The following UCK2 variants were observed in gnomAD, a reference collection of about 807,000 sequenced individuals.
UCK2 encodes uridine-cytidine kinase 2, also known as cytidine monophosphokinase 2.
Under a neutral mutation model 30.8 loss-of-function variants are expected in UCK2, and 6 were observed. The observed-to-expected ratio is 0.19, with a 90% confidence interval of 0.11 to 0.38. The LOEUF (loss-of-function observed/expected upper bound fraction) is 0.38, where lower values mean the gene tolerates loss of function less well. Ranked by LOEUF, UCK2 falls within the 10% of genes least tolerant of loss-of-function variation. The probability of loss-of-function intolerance (pLI) is 1.00; values close to 1 mark genes in which losing one functional copy is unlikely to be tolerated. For synonymous variants in UCK2, 125 were observed against 133.6 expected (o/e 0.94, Z 0.45); for missense variants, 210 against 339.8 (o/e 0.62, Z 3.00).
At position 165,908,344 on chromosome 1, in the gene UCK2, G is replaced by C. The variant is rs1647744346; in HGVS notation, c.*521G>C. 6.6e-6 allele frequency: 1 copy of C among 152,032 alleles called. No homozygotes were observed. The highest frequency in any genetic ancestry group is 1.5e-5 in the Non-Finnish European group (1 of 68,076). 9.4% of individuals were successfully genotyped at this position (152,032 alleles called of 1,614,324 possible). ...GATGGGAATGGGGTTGGAAAACCTT[G>C]ATTGCCTCCTCTGTCACATGCCACT... is the stretch of plus-strand genomic sequence containing the variant. On this transcript the variant is annotated 3_prime_UTR_variant, in exon 7 of 7. Coordinates refer to ENST00000367879, the MANE Select transcript of UCK2 (RefSeq NM_012474.5).
chr1:165,882,956 C>A (rs1447579970), intron 1 of UCK2, among the ~76,000 whole-genome samples: 1 of 152,162 alleles, frequency 6.6e-6, no homozygotes, highest in Non-Finnish European at 1.5e-5. Context: ...TCCCAAGTAG[C>A]TGGGACTACA....
At chr1:165,877,185 A>G (rs1331543993) in intron 1 of UCK2, among the ~76,000 whole-genome samples, 1 of 152,222 alleles carries the variant, frequency 6.6e-6, no homozygotes, top group Non-Finnish European at 1.5e-5. Context: ...AGGAAAAATT[A>G]AGAATTTTGA....
intron 3 of UCK2, chr1:165,895,653 C>T: frequency 1.0e-6 from 1 of 985,822 alleles, no homozygotes; most frequent in South Asian, 4.7e-5. Context: ...TCTGTATCCT[C>T]TTTCCCAAAA....
At chr1:165,865,680 C>A (rs999510307) in intron 1 of UCK2, among the ~76,000 whole-genome samples, 1 of 152,062 alleles carries the variant, frequency 6.6e-6, no homozygotes, top group African/African-American at 2.4e-5. Context: ...CAAACAAAGC[C>A]GGTACCTTGA....
At position 165,895,592 on chromosome 1, in the gene UCK2, C is replaced by T. The variant is rs565900997; in HGVS notation, c.357-598C>T. On this transcript the variant is annotated intron_variant, in intron 3 of 6. Transcript: ENST00000367879. ...GCCACTTTGTTGGTTTGGGGTAGAG[C>T]CAGACCAGACAGACGTCGGGATTCT... 11 of 985,544 alleles carry T rather than the reference C, an allele frequency of 1.1e-5. No individual in the cohort carries two copies. The East Asian group carries it at 7.9e-4, about 71-fold the overall frequency. 61.0% of individuals were successfully genotyped at this position (985,544 alleles called of 1,614,324 possible).
intron 4 of UCK2, among the ~76,000 whole-genome samples, chr1:165,901,205 G>A (rs1194069696): frequency 1.3e-5 from 2 of 152,182 alleles, no homozygotes; most frequent in Non-Finnish European, 2.9e-5. Context: ...CTGCTGGGCT[G>A]GGTGGGCAAG....
chr1:165,857,223 C>T (rs761343592), intron 1 of UCK2, among the ~76,000 whole-genome samples: 25 of 152,182 alleles, frequency 1.6e-4, no homozygotes, highest in Non-Finnish European at 3.4e-4. Flanking sequence ...ACATCCAGTA[C>T]TTGAACCCTT....
chr1:165,830,623 A>T (rs1410085479), intron 1 of UCK2, among the ~76,000 whole-genome samples: 1 of 152,042 alleles, frequency 6.6e-6, no homozygotes, highest in Non-Finnish European at 1.5e-5. Flanking sequence ...CCACGCCGGC[A>T]ATCTTTATTT....
intron 6 of UCK2, 53 bp from the exon 7 acceptor site, chr1:165,907,631 A>G: frequency 6.4e-7 from 1 of 1,569,850 alleles, no homozygotes; most frequent in Admixed American, 1.8e-5. Flanking sequence ...TCCCACACTC[A>G]CCCCTGCACC....
chr1:165,883,600 G>A (rs575485728), intron 1 of UCK2, among the ~76,000 whole-genome samples: 63 of 152,244 alleles, frequency 4.1e-4, no homozygotes, highest in African/African-American at 1.4e-3. Context: ...AATTTAGTGA[G>A]TTTTTAATTT....
At chr1:165,872,869 G>A (rs1044636466) in intron 1 of UCK2, among the ~76,000 whole-genome samples, 1 of 152,208 alleles carries the variant, frequency 6.6e-6, no homozygotes, top group African/African-American at 2.4e-5. Context: ...ACTGAAAACA[G>A]TAGCTGCCAG....
At chr1:165,899,861 A>G (rs1305020482) in intron 4 of UCK2, among the ~76,000 whole-genome samples, 2 of 151,950 alleles carry the variant, frequency 1.3e-5, no homozygotes. Flanking sequence ...AGGGAGGCAC[A>G]GTCTGCCTGA....
At chr1:165,850,651 T>C in intron 1 of UCK2, among the ~76,000 whole-genome samples, 1 of 145,064 alleles carries the variant, frequency 6.9e-6, no homozygotes, top group African/African-American at 2.6e-5. Context: ...TGGAGTCTGG[T>C]TCTGTTGCCC....
At chr1:165,868,618 G>T (rs550192541) in intron 1 of UCK2, among the ~76,000 whole-genome samples, 26 of 152,268 alleles carry the variant, frequency 1.7e-4, no homozygotes, top group African/African-American at 6.0e-4. Flanking sequence ...AACTTTTCTT[G>T]TGTGGCTTCC....
At position 165,908,223 on chromosome 1, in the gene UCK2, TTGCC is replaced by T; in HGVS notation, c.*403_*406del. 1 of 155,170 alleles carries T rather than the reference TTGCC, an allele frequency of 6.4e-6. No homozygotes were observed. Among genetic ancestry groups the T allele is most frequent in the South Asian group, 2.0e-4 (1 of 5,090 alleles). The allele number at this position is 155,170 out of a possible 1,614,324, so 9.6% of individuals were successfully genotyped here. On this transcript the variant is annotated 3_prime_UTR_variant, in exon 7 of 7. Transcript: ENST00000367879. Reference sequence around the variant, plus strand: ...GAGCTGGAATTTCACCAAGGGGAAATTGCCTGTTGTGTCCCAGGGTGGGGAGGCT... The same window carrying T: ...GAGCTGGAATTTCACCAAGGGGAAATTGTTGTGTCCCAGGGTGGGGAGGCT...
chr1:165,849,717 A>G (rs1654542295), intron 1 of UCK2, among the ~76,000 whole-genome samples: 1 of 152,106 alleles, frequency 6.6e-6, no homozygotes, highest in African/African-American at 2.4e-5. Context: ...AATTTTGGAG[A>G]GTGATTGTAG....
chr1:165,909,171 T>G lies in UCK2; in HGVS notation c.*1348T>G, dbSNP rs1299771122. On this transcript the variant is annotated 3_prime_UTR_variant, in exon 7 of 7. Transcript: ENST00000367879. ...AGCTTTCCTGAGAGCTGCTGCTTGG[T>G]GGTAGTGTTTTCTCTGGAAGTACAG... 6.6e-6 allele frequency: 1 copy of G among 151,958 alleles called. No homozygotes were observed. The highest frequency in any genetic ancestry group is 1.5e-5 in the Non-Finnish European group (1 of 68,010). 9.4% of individuals were successfully genotyped at this position (151,958 alleles called of 1,614,324 possible). A position where few individuals can be genotyped will look rare whatever the true frequency, so the allele number is the denominator to read the frequency against.
chr1:165,873,556 CCTT>C (rs1655255620), intron 1 of UCK2, among the ~76,000 whole-genome samples: 1 of 152,248 alleles, frequency 6.6e-6, no homozygotes, highest in Non-Finnish European at 1.5e-5. Context: ...ATCTTCCTGA[CCTT>C]CTCTTTTTTC....
intron 1 of UCK2, among the ~76,000 whole-genome samples, chr1:165,863,258 G>C (rs979560310): frequency 4.6e-5 from 7 of 152,282 alleles, no homozygotes; most frequent in African/African-American, 1.7e-4. Context: ...GCACAGAGTG[G>C]GCAGCTTGTG....
Sources: allele counts gnomAD v4.1 joint callset (sites outside exome capture counted in the v4.1 genomes callset), GRCh38; gene constraint gnomAD v4.1.1; transcripts MANE v1.5; gene names NCBI Gene and HGNC (gene_info 2026-07-23, HGNC 2026-07-21).